SETD5: variants seen among roughly 807,000 people sequenced by gnomAD.
SETD5 encodes SET domain containing 5.
A neutral mutation model predicts 153.3 loss-of-function variants in SETD5; 44 were observed. That is an observed-to-expected ratio of 0.29 (90% CI 0.23 to 0.37). SETD5 has a LOEUF of 0.37. Ranked by LOEUF, SETD5 falls within the 10% of genes least tolerant of loss-of-function variation. The pLI is 1.00. For missense variants in SETD5, 1,544 were observed against 1,768.0 expected (o/e 0.87, Z 2.27); for synonymous variants, 716 against 645.2 (o/e 1.11, Z -1.66).
At chr3:9,443,198 T>C in intron 10 of SETD5, 110 bp from the exon 11 acceptor site, 1 of 795,028 alleles carries the variant, frequency 1.3e-6, no homozygotes, top group Non-Finnish European at 2.1e-6. Flanking sequence ...ACTCCTTAAA[T>C]AAATAATAGA....
chr3:9,437,401 G>A (rs1316161232), intron 7 of SETD5, among the ~76,000 whole-genome samples: 3 of 152,116 alleles, frequency 2.0e-5, no homozygotes, highest in African/African-American at 7.2e-5. Context: ...GTATGATTTT[G>A]TAAAGAACTT....
chr3:9,456,525 G>A (rs2043268289), intron 17 of SETD5, among the ~76,000 whole-genome samples: 3 of 150,672 alleles, frequency 2.0e-5, no homozygotes, highest in South Asian at 2.1e-4. Context: ...TTTGTAAAAT[G>A]GGAATAGCAA....
chr3:9,443,307 G>T lies in SETD5; in HGVS notation c.1078-1G>T. 6.5e-7 allele frequency: 1 copy of T among 1,549,152 alleles called. No homozygotes were observed. The highest frequency in any genetic ancestry group is 2.4e-5 in the East Asian group (1 of 41,242). On this transcript the variant is annotated splice_acceptor_variant, in intron 10 of 22. Transcript: ENST00000402198. LOFTEE classifies it high-confidence loss of function. ...ATCCAACCAGAAGCCTTTTCACACA[G>T]GTGCGACACATGATTGCAGATGGGA...
At chr3:9,444,674 T>C (rs1048316081) in intron 11 of SETD5, among the ~76,000 whole-genome samples, 3 of 152,104 alleles carry the variant, frequency 2.0e-5, no homozygotes, top group African/African-American at 7.2e-5. Context: ...GAGGATCACT[T>C]GAGCCCAGGA....
chr3:9,413,735 T>C (rs922364060), intron 1 of SETD5, among the ~76,000 whole-genome samples: 6 of 151,544 alleles, frequency 4.0e-5, no homozygotes, highest in Admixed American at 2.0e-4. Flanking sequence ...GCAAAGAGTA[T>C]ACAGCAGAGA....
chr3:9,421,826 A>G (rs1167184936), intron 1 of SETD5, among the ~76,000 whole-genome samples: 6 of 152,158 alleles, frequency 3.9e-5, no homozygotes, highest in South Asian at 2.1e-4. Context: ...GCTATTCTGT[A>G]TATCTGTTCA....
chr3:9,427,655 T>G (rs1246462621), intron 2 of SETD5, among the ~76,000 whole-genome samples: 1 of 152,216 alleles, frequency 6.6e-6, no homozygotes, highest in Non-Finnish European at 1.5e-5. Context: ...TCTAATGTCT[T>G]ATTATGAATC....
chr3:9,448,014 A>G lies in SETD5; in HGVS notation c.2103+8A>G. ...TACCCCAAAACCAAAAAGGTAAGTC[A>G]CAAATGCATCCTTTATAAGTCCAGT... is the stretch of plus-strand genomic sequence containing the variant. On this transcript the variant is annotated splice_region_variant and intron_variant, in intron 15 of 22. Coordinates refer to ENST00000402198, the MANE Select transcript of SETD5 (RefSeq NM_001080517.3). 1 of 1,608,726 alleles carries G rather than the reference A, an allele frequency of 6.2e-7. No individual in the cohort carries two copies. The highest frequency in any genetic ancestry group is 8.5e-7 in the Non-Finnish European group (1 of 1,176,364).
intron 2 of SETD5, among the ~76,000 whole-genome samples, chr3:9,428,104 A>C (rs1215557554): frequency 6.6e-6 from 1 of 152,114 alleles, no homozygotes; most frequent in Non-Finnish European, 1.5e-5. Flanking sequence ...ATTCATCAGG[A>C]GATACAGAGA....
chr3:9,409,443 A>G (rs2036219815), intron 1 of SETD5, among the ~76,000 whole-genome samples: 1 of 152,186 alleles, frequency 6.6e-6, no homozygotes, highest in African/African-American at 2.4e-5. Context: ...GATATGTTAC[A>G]GTCTCTGGCA....
intron 3 of SETD5, chr3:9,431,748 G>A: frequency 1.0e-6 from 1 of 982,856 alleles, no homozygotes; most frequent in Non-Finnish European, 1.2e-6. Flanking sequence ...TACCCGTTTG[G>A]AGATGGGTAA....
chr3:9,451,901 G>A (rs998814671), intron 16 of SETD5, among the ~76,000 whole-genome samples: 5 of 152,182 alleles, frequency 3.3e-5, no homozygotes, highest in Non-Finnish European at 7.3e-5. Context: ...TTCAGAGAAG[G>A]GAGAAATGTT....
At position 9,434,343 on chromosome 3, in the gene SETD5, C is replaced by T. The variant is rs768319151; in HGVS notation, c.187C>T (p.Pro63Ser). ...TTCTCCCCCTGTCCAGACGATCATC[C>T]CTCGTTCTGACCTGAATGGCCTGCC... is the stretch of plus-strand genomic sequence containing the variant. ...CRGLPYATII[P>S]RSDLNGLPSP... Residue 63 changes from proline to serine, a missense_variant, in exon 5 of 23, where the codon CCT becomes TCT. Pro to Ser is a moderately conservative substitution (Grantham distance 74). This residue lies in a region of SETD5 where 251 missense variants were observed against 326.9 expected (regional missense o/e 0.77). Coordinates refer to ENST00000402198, the MANE Select transcript of SETD5 (RefSeq NM_001080517.3). This position sits in a 1 kb window ranked among gnomAD's most constrained non-coding sequence, Gnocchi z 5.6. 1 of 1,613,766 alleles carries T rather than the reference C, an allele frequency of 6.2e-7. No homozygotes were observed. The highest frequency in any genetic ancestry group is 1.1e-5 in the South Asian group (1 of 91,070).
At chr3:9,443,939 G>A (rs1294561610) in intron 11 of SETD5, among the ~76,000 whole-genome samples, 1 of 152,186 alleles carries the variant, frequency 6.6e-6, no homozygotes, top group African/African-American at 2.4e-5. Context: ...GCACACGCCT[G>A]TAGTCCCAGC....
intron 16 of SETD5, among the ~76,000 whole-genome samples, chr3:9,453,339 A>G (rs1375493438): frequency 6.6e-6 from 1 of 152,156 alleles, no homozygotes; most frequent in African/African-American, 2.4e-5. Context: ...ACAACTTTTA[A>G]GAGATCTTTA....
At chr3:9,468,998 T>C (rs536168215) in intron 18 of SETD5, among the ~76,000 whole-genome samples, 39 of 152,300 alleles carry the variant, frequency 2.6e-4, no homozygotes, top group African/African-American at 8.9e-4. Context: ...GGTGGTGACT[T>C]ATGCCTTGTT....
intron 1 of SETD5, among the ~76,000 whole-genome samples, chr3:9,418,706 G>A (rs2037919929): frequency 1.3e-5 from 2 of 151,528 alleles, no homozygotes; most frequent in Admixed American, 6.6e-5. Flanking sequence ...AGGAGGCTGA[G>A]ACAAGAGAAT....
At chr3:9,411,958 A>T (rs1188689146) in intron 1 of SETD5, among the ~76,000 whole-genome samples, 1 of 152,048 alleles carries the variant, frequency 6.6e-6, no homozygotes, top group African/African-American at 2.4e-5. Flanking sequence ...AAATTTAATA[A>T]AGAAAGTTTT....
Position 9,433,554 on chromosome 3 carries a change from G to T in SETD5, c.72-291G>T, listed in dbSNP as rs532835627. ...GTGGCTTCTCTAGGGGAAACTCCCC[G>T]CTCAGCTGGTACGTTTGTGTTTGTC... On this transcript the variant is annotated intron_variant, in intron 3 of 22. Coordinates refer to ENST00000402198, the MANE Select transcript of SETD5 (RefSeq NM_001080517.3). 1,219 of 1,292,824 alleles carry T rather than the reference G, an allele frequency of 9.4e-4. 16 individuals carry two copies. In the South Asian group the frequency reaches 0.014, roughly 15 times the overall value. 80.1% of individuals were successfully genotyped at this position (1,292,824 alleles called of 1,614,324 possible).
Sources: allele counts gnomAD v4.1 joint callset (sites outside exome capture counted in the v4.1 genomes callset), GRCh38; gene constraint gnomAD v4.1.1; regional missense constraint gnomAD v4.1.1; non-coding constraint Gnocchi (gnomAD v3.1); transcripts MANE v1.5; gene names NCBI Gene and HGNC (gene_info 2026-07-23, HGNC 2026-07-21).